Variants in ST8SIA1 observed in about 807,000 individuals in gnomAD.
ST8SIA1 encodes the protein ST8 alpha-N-acetyl-neuraminide alpha-2,8-sialyltransferase 1.
A neutral mutation model predicts 35.9 loss-of-function variants in ST8SIA1; 16 were observed. The ratio of observed to expected loss-of-function variants is 0.45; its 90% CI spans 0.30 to 0.68. The LOEUF is 0.68. ST8SIA1 is among the 30% of genes least tolerant of loss of function. The probability of loss-of-function intolerance (pLI) is 0.09; values close to 1 mark genes in which losing one functional copy is unlikely to be tolerated. For missense variants in ST8SIA1, 383 were observed against 453.6 expected (o/e 0.84, Z 1.41); for synonymous variants, 170 against 169.6 (o/e 1.00, Z -0.02).
intron 2 of ST8SIA1, among the ~76,000 whole-genome samples, chr12:22,282,344 T>C (rs936719282): frequency 6.6e-6 from 1 of 152,176 alleles, no homozygotes; most frequent in African/African-American, 2.4e-5. Flanking sequence ...CTGAGCGAGA[T>C]AACATGTGAA....
intron 4 of ST8SIA1, among the ~76,000 whole-genome samples, chr12:22,205,210 C>G (rs1449654026): frequency 2.6e-5 from 4 of 152,094 alleles, no homozygotes; most frequent in African/African-American, 9.7e-5. Context: ...TCCTTGAAAA[C>G]AAAGGACAAG....
At chr12:22,260,647 A>T (rs1412329770) in intron 2 of ST8SIA1, among the ~76,000 whole-genome samples, 1 of 151,996 alleles carries the variant, frequency 6.6e-6, no homozygotes, top group Non-Finnish European at 1.5e-5. Context: ...ATGATAAAAA[A>T]CCATTTGTTC....
intron 4 of ST8SIA1, among the ~76,000 whole-genome samples, chr12:22,220,816 C>G (rs1452452098): frequency 6.6e-6 from 1 of 152,194 alleles, no homozygotes; most frequent in Non-Finnish European, 1.5e-5. Context: ...GGACCTGGCA[C>G]TGGTGGTGTC....
intron 4 of ST8SIA1, among the ~76,000 whole-genome samples, chr12:22,239,057 C>G (rs1228606554): frequency 6.6e-6 from 1 of 152,174 alleles, no homozygotes; most frequent in Non-Finnish European, 1.5e-5. Flanking sequence ...TCCTGACATC[C>G]ATTTTTACTG....
At chr12:22,317,398 G>A (rs894274650) in intron 1 of ST8SIA1, among the ~76,000 whole-genome samples, 4 of 152,196 alleles carry the variant, frequency 2.6e-5, no homozygotes, top group Non-Finnish European at 5.9e-5. Flanking sequence ...GTTTATGAGA[G>A]CCAGGAGTAT....
chr12:22,237,813 A>G (rs549884340), intron 4 of ST8SIA1, among the ~76,000 whole-genome samples: 2 of 151,958 alleles, frequency 1.3e-5, no homozygotes, highest in Admixed American at 6.6e-5. Context: ...TAAAATAATT[A>G]TTATTTATTT....
intron 1 of ST8SIA1, among the ~76,000 whole-genome samples, chr12:22,287,581 A>G (rs1374086736): frequency 6.6e-6 from 1 of 152,188 alleles, no homozygotes; most frequent in African/African-American, 2.4e-5. Flanking sequence ...AAAAATAACC[A>G]TTACAGTTGC....
chr12:22,283,416 G>A (rs1267408666), intron 2 of ST8SIA1, among the ~76,000 whole-genome samples: 2 of 152,044 alleles, frequency 1.3e-5, no homozygotes, highest in African/African-American at 4.8e-5. Flanking sequence ...AATAATTCCT[G>A]TAAACACTGG....
At chr12:22,252,403 A>C (rs975085266) in intron 3 of ST8SIA1, among the ~76,000 whole-genome samples, 1 of 152,242 alleles carries the variant, frequency 6.6e-6, no homozygotes, top group Non-Finnish European at 1.5e-5. Flanking sequence ...CATATTAAGC[A>C]ATGATTTATT....
intron 2 of ST8SIA1, among the ~76,000 whole-genome samples, chr12:22,285,960 T>C (rs890760959): frequency 4.6e-5 from 7 of 151,092 alleles, no homozygotes; most frequent in Non-Finnish European, 8.8e-5. Context: ...ATAGGGCAAG[T>C]GCTGCTCTAG....
intron 1 of ST8SIA1, among the ~76,000 whole-genome samples, chr12:22,333,225 CTACT>C (rs1210301467): frequency 6.6e-6 from 1 of 152,184 alleles, no homozygotes; most frequent in Non-Finnish European, 1.5e-5. Context: ...CTTCAGGTGC[CTACT>C]TAAAGTACAT....
chr12:22,301,391 T>A (rs144185428), intron 1 of ST8SIA1, among the ~76,000 whole-genome samples: 2,010 of 151,432 alleles, frequency 0.013, 14 homozygotes, highest in East Asian at 0.023. Context: ...GCTTAAAATG[T>A]TGCTGATCCT....
intron 1 of ST8SIA1, among the ~76,000 whole-genome samples, chr12:22,288,243 T>C (rs1359399075): frequency 6.6e-6 from 1 of 152,230 alleles, no homozygotes; most frequent in East Asian, 1.9e-4. Flanking sequence ...AAACCACTTC[T>C]GAATGACCTC....
intron 1 of ST8SIA1, among the ~76,000 whole-genome samples, chr12:22,330,727 A>G (rs1040374979): frequency 1.3e-5 from 2 of 152,222 alleles, no homozygotes; most frequent in African/African-American, 4.8e-5. Flanking sequence ...TCAGGCAGAT[A>G]ATAAGCACCT....
intron 1 of ST8SIA1, among the ~76,000 whole-genome samples, chr12:22,328,192 G>A (rs1205532656): frequency 6.6e-6 from 1 of 152,212 alleles, no homozygotes; most frequent in Non-Finnish European, 1.5e-5. Context: ...AGAATACAAA[G>A]GATGCTTACT....
intron 4 of ST8SIA1, among the ~76,000 whole-genome samples, chr12:22,241,312 T>A: frequency 6.6e-6 from 1 of 152,174 alleles, no homozygotes; most frequent in East Asian, 1.9e-4. Context: ...GGGGACGATT[T>A]CTCATCAATG....
chr12:22,212,034 T>C (rs1865181170), intron 4 of ST8SIA1, among the ~76,000 whole-genome samples: 1 of 152,184 alleles, frequency 6.6e-6, no homozygotes, highest in Non-Finnish European at 1.5e-5. Flanking sequence ...TTCAACACAA[T>C]GATAAGTGAG....
chr12:22,262,580 C>T (rs904509674), intron 2 of ST8SIA1, among the ~76,000 whole-genome samples: 1 of 152,188 alleles, frequency 6.6e-6, no homozygotes, highest in Non-Finnish European at 1.5e-5. Context: ...GAGTTAACCA[C>T]CATAAATCAT....
At chr12:22,321,526 G>C (rs1335833114) in intron 1 of ST8SIA1, among the ~76,000 whole-genome samples, 1 of 152,224 alleles carries the variant, frequency 6.6e-6, no homozygotes, top group Non-Finnish European at 1.5e-5. Flanking sequence ...AGGTTCTAGA[G>C]CCTGAGCAGG....
Sources: allele counts gnomAD v4.1 joint callset (sites outside exome capture counted in the v4.1 genomes callset), GRCh38; gene constraint gnomAD v4.1.1; transcripts MANE v1.5; gene names NCBI Gene and HGNC (gene_info 2026-07-23, HGNC 2026-07-21).